ABCA8: variants seen among roughly 807,000 people sequenced by gnomAD.
ABCA8 encodes the protein ATP binding cassette subfamily A member 8, also known as ABC-type organic anion transporter ABCA8.
In ABCA8, 177 loss-of-function variants were observed where a neutral mutation model predicts 192.3. The ratio of observed to expected loss-of-function variants is 0.92; its 90% confidence interval spans 0.81 to 1.04. ABCA8 has a LOEUF of 1.04. ABCA8 is among the 50% of genes least tolerant of loss of function. ABCA8 has a pLI of 0.00. For missense variants in ABCA8, 1,915 were observed against 1,904.8 expected (o/e 1.01, Z -0.10); for synonymous variants, 642 against 690.2 (o/e 0.93, Z 1.09).
rs903618730 is a variant in ABCA8, at chr17:68,881,766, T to C, written c.3946+97A>G. On this transcript the variant is annotated intron_variant, in intron 31 of 39. Coordinates refer to ENST00000586539, the MANE Select transcript of ABCA8 (RefSeq NM_001288985.2). ...ATTGTCATTCTCCTCTGGGTCTGCATGTGAACCAAGAGGTGGTTTCCAGAA... is the reference window on the plus strand; with the variant it reads ...ATTGTCATTCTCCTCTGGGTCTGCACGTGAACCAAGAGGTGGTTTCCAGAA... 3.8e-5 allele frequency: 31 copies of C among 807,318 alleles called. No homozygotes were observed. The Middle Eastern group carries it at 9.4e-4, about 25-fold the overall frequency. The allele number at this position is 807,318 out of a possible 1,614,324, so 50.0% of individuals were successfully genotyped here.
intron 28 of ABCA8, 115 bp from the exon 29 acceptor site, chr17:68,883,997 A>G: frequency 1.4e-6 from 1 of 703,756 alleles, no homozygotes; most frequent in East Asian, 2.9e-5. Context: ...AATAATTACA[A>G]ACTCCTAATA....
rs111967506 is a variant in ABCA8 at position 68,911,734 on chromosome 17, T to TATAC, written c.2139-3856_2139-3855insGTAT. On this transcript the variant is annotated intron_variant, in intron 17 of 39. Coordinates refer to ENST00000586539, the MANE Select transcript of ABCA8 (RefSeq NM_001288985.2). This position sits in a 1 kb window ranked among gnomAD's most constrained non-coding sequence, Gnocchi z 5.7. ...CCTCTGCCAGCTCCAGACAGCTCAATACACACACACACACACACACACACA... is the reference window on the plus strand; with the variant it reads ...CCTCTGCCAGCTCCAGACAGCTCAATATACACACACACACACACACACACACACA... Among the ~76,000 whole-genome samples the TATAC allele has an allele frequency of 6.9e-6, 1 of 143,980 alleles. No individual in the cohort carries two copies. Among genetic ancestry groups the TATAC allele is most frequent in the Non-Finnish European group, 1.5e-5 (1 of 65,280 alleles). The allele number at this position is 143,980 out of a possible 152,430, so 94.5% of individuals were successfully genotyped here.
intron 21 of ABCA8, among the ~76,000 whole-genome samples, chr17:68,897,031 A>G (rs8065105): frequency 0.39 from 59,824 of 152,036 alleles, 12,777 homozygotes; most frequent in African/African-American, 0.56. Context: ...GTTTGGTACT[A>G]TCTGTGGTTT....
In ABCA8 at chr17:68,911,734, T is replaced by TACACAC. The variant is rs60957466; in HGVS notation, c.2139-3861_2139-3856dup. The stretch of plus-strand genomic sequence containing the variant: ...CCTCTGCCAGCTCCAGACAGCTCAA[T>TACACAC]ACACACACACACACACACACACACA... On this transcript the variant is annotated intron_variant, in intron 17 of 39. Transcript: ENST00000586539. This position sits in a 1 kb window ranked among gnomAD's most constrained non-coding sequence, Gnocchi z 5.7. Among the ~76,000 whole-genome samples the TACACAC allele has an allele frequency of 0.1, 14,932 of 143,902 alleles. 847 individuals carry two copies. The highest frequency in any genetic ancestry group is 0.16 in the African/African-American group (6,135 of 39,130). 94.4% of individuals were successfully genotyped at this position (143,902 alleles called of 152,430 possible). A position where few individuals can be genotyped will look rare whatever the true frequency, so the allele number is the denominator to read the frequency against.
chr17:68,910,905 G>T (rs2069185133), intron 17 of ABCA8, among the ~76,000 whole-genome samples: 1 of 152,158 alleles, frequency 6.6e-6, no homozygotes. Flanking sequence ...CCTGACTAAA[G>T]AACTTTTGGG....
At chr17:68,925,029 A>G (rs2067659584) in intron 10 of ABCA8, among the ~76,000 whole-genome samples, 160 bp from the exon 11 acceptor site, 1 of 152,344 alleles carries the variant, frequency 6.6e-6, no homozygotes, top group Admixed American at 6.5e-5. Context: ...TCATAAGGAA[A>G]AAAAAATACC....
intron 38 of ABCA8, among the ~76,000 whole-genome samples, chr17:68,868,727 G>A (rs1396276016): frequency 6.6e-6 from 1 of 152,126 alleles, no homozygotes; most frequent in African/African-American, 2.4e-5. Context: ...AAGGATTTGT[G>A]AGCCTTTTTA....
At chr17:68,924,902 C>A in intron 10 of ABCA8, 33 bp from the exon 11 acceptor site, 1 of 1,605,284 alleles carries the variant, frequency 6.2e-7, no homozygotes, top group South Asian at 1.1e-5. Context: ...AATATTGGGT[C>A]AATGACCACG....
chr17:68,880,795 C>A, intron 32 of ABCA8: 1 of 335,624 alleles, frequency 3.0e-6, no homozygotes, highest in South Asian at 3.1e-5. Context: ...GGCTTGGGAT[C>A]CAGGCTGGTG....
Position 68,875,603 on chromosome 17 carries a change from C to T in ABCA8, c.4490+11G>A, listed in dbSNP as rs1232966596. 4.3e-6 allele frequency: 7 copies of T among 1,613,356 alleles called. No individual in the cohort carries two copies. The South Asian group carries it at 4.4e-5, about 10-fold the overall frequency. On this transcript the variant is annotated intron_variant, in intron 36 of 39. Transcript: ENST00000586539. ...CTTGGGCTCAAGTGTGGGTCCAGGA[C>T]AGGCACTCACCTCAACCTCCCAGAT... is the stretch of plus-strand genomic sequence containing the variant.
chr17:68,937,186 A>G, intron 4 of ABCA8, 71 bp from the exon 5 acceptor site: 3 of 1,316,990 alleles, frequency 2.3e-6, no homozygotes, highest in Non-Finnish European at 1.0e-6. Context: ...GTCATGTTGA[A>G]TTGCTTTTAC....
At chr17:68,882,761 A>G in intron 29 of ABCA8, 42 bp from the exon 30 acceptor site, 1 of 1,584,230 alleles carries the variant, frequency 6.3e-7, no homozygotes, top group Non-Finnish European at 8.6e-7. Flanking sequence ...TCTGGCTTTC[A>G]TCTTTGTATC....
At chr17:68,925,823 G>A (rs950141511) in intron 10 of ABCA8, among the ~76,000 whole-genome samples, 6 of 152,102 alleles carry the variant, frequency 3.9e-5, no homozygotes, top group Non-Finnish European at 7.4e-5. Context: ...ATTTTATCCA[G>A]TTAATTTTTC....
intron 1 of ABCA8, among the ~76,000 whole-genome samples, chr17:68,953,902 T>C (rs968234164): frequency 3.9e-5 from 6 of 152,188 alleles, no homozygotes; most frequent in Non-Finnish European, 7.4e-5. Flanking sequence ...AATGCCGCTC[T>C]CTGTAAGCAA....
chr17:68,945,271 G>A (rs142790966), intron 2 of ABCA8, among the ~76,000 whole-genome samples: 77 of 152,184 alleles, frequency 5.1e-4, no homozygotes, highest in African/African-American at 1.7e-3. Flanking sequence ...TAGAATTTGA[G>A]CGTCGTCTTA....
chr17:68,945,061 A>G (rs887420313), intron 2 of ABCA8, among the ~76,000 whole-genome samples: 1 of 152,178 alleles, frequency 6.6e-6, no homozygotes, highest in African/African-American at 2.4e-5. Context: ...AAGCTATGGC[A>G]GTCTATGGAT....
chr17:68,903,690 C>G (rs1319035792), intron 19 of ABCA8, among the ~76,000 whole-genome samples, 191 bp from the exon 20 acceptor site: 1 of 151,860 alleles, frequency 6.6e-6, no homozygotes, highest in Non-Finnish European at 1.5e-5. Flanking sequence ...GAAAGGAGAC[C>G]TTAGGTAATT....
chr17:68,868,213 A>G lies in ABCA8; in HGVS notation c.4768-30T>C, dbSNP rs1370695768. 6 of 1,608,252 alleles carry G rather than the reference A, an allele frequency of 3.7e-6. No homozygotes were observed. The Admixed American group carries it at 1.0e-4, about 27-fold the overall frequency. On this transcript the variant is annotated intron_variant, in intron 39 of 39. Transcript: ENST00000586539. Reference sequence around the variant, plus strand: ...AAGGGAGGAAGGAAATAAAGAGAGGAGAACAATGCCGTGCTGCCTCTGCAG... The same window carrying G: ...AAGGGAGGAAGGAAATAAAGAGAGGGGAACAATGCCGTGCTGCCTCTGCAG...
chr17:68,917,487 A>T, intron 16 of ABCA8, 36 bp from the exon 17 acceptor site: 1 of 1,496,564 alleles, frequency 6.7e-7, no homozygotes, highest in Non-Finnish European at 9.2e-7. Flanking sequence ...AAAGTTTGTT[A>T]AAAAGTGGCC....
Sources: allele counts gnomAD v4.1 joint callset (sites outside exome capture counted in the v4.1 genomes callset), GRCh38; gene constraint gnomAD v4.1.1; non-coding constraint Gnocchi (gnomAD v3.1); transcripts MANE v1.5; gene names NCBI Gene and HGNC (gene_info 2026-07-23, HGNC 2026-07-21).